HAO2: variants seen among roughly 807,000 people sequenced by gnomAD.
HAO2 encodes the protein 2-Hydroxyacid oxidase 2.
Under a neutral mutation model 37.4 loss-of-function variants are expected in HAO2, and 42 were observed. The observed-to-expected ratio is 1.12, with a 90% CI of 0.88 to 1.45. The LOEUF (loss-of-function observed/expected upper bound fraction) is 1.45, where lower values mean the gene tolerates loss of function less well. Among genes scored for constraint, HAO2 ranks in the 40% most tolerant of loss-of-function variants. The pLI is 0.00. For missense variants in HAO2, 476 were observed against 430.2 expected (o/e 1.11, Z -0.94); for synonymous variants, 180 against 162.8 (o/e 1.11, Z -0.81).
intron 5 of HAO2, among the ~76,000 whole-genome samples, chr1:119,389,038 T>C (rs1226011602): frequency 6.8e-6 from 1 of 146,956 alleles, no homozygotes; most frequent in East Asian, 2.0e-4. Flanking sequence ...TGGTTTTCCA[T>C]TCCTGAATTA....
chr1:119,393,955 CCA>C lies in HAO2; in HGVS notation c.*116_*117del. 6.4e-7 allele frequency: 1 copy of C among 1,562,438 alleles called. No homozygotes were observed. The highest frequency in any genetic ancestry group is 8.7e-7 in the Non-Finnish European group (1 of 1,146,718). On this transcript the variant is annotated 3_prime_UTR_variant, in exon 8 of 8. Transcript: ENST00000325945. ...CCCATTCTGTCCGGAGGCTCATGGC[CCA>C]TATTTCCCACATTTCTAATACCACC...
chr1:119,385,026 A>G lies in HAO2; in HGVS notation c.534A>G (p.Thr178=), dbSNP rs377706696. 2.9e-5 allele frequency: 46 copies of G among 1,612,780 alleles called. No individual in the cohort carries two copies. The highest frequency in any genetic ancestry group is 3.7e-5 in the Non-Finnish European group (44 of 1,179,044). Residue 178 remains threonine, a synonymous_variant, in exon 4 of 8, where the codon ACA becomes ACG. Coordinates refer to ENST00000325945, the MANE Select transcript of HAO2 (RefSeq NM_016527.4). ...GAAACCAGTTGAGGAGGAACTTAAC[A>G]CTAACAGATCTTCAATCACCTAAAA... ...DIRNQLRRNL[T]LTDLQSPKKG...
chr1:119,380,849 T>A (rs1457143640), intron 1 of HAO2: 11 of 732,686 alleles, frequency 1.5e-5, no homozygotes, highest in Non-Finnish European at 2.1e-5. Flanking sequence ...GGCCAAATAA[T>A]CAGGATTTGG....
At chr1:119,377,724 T>A (rs1436817631) in intron 1 of HAO2, among the ~76,000 whole-genome samples, 1 of 152,232 alleles carries the variant, frequency 6.6e-6, no homozygotes, top group Non-Finnish European at 1.5e-5. Context: ...AAGGCATGTT[T>A]TAAATGGCAG....
intron 4 of HAO2, chr1:119,385,572 G>A (rs1183797377): frequency 1.0e-6 from 1 of 979,976 alleles, no homozygotes; most frequent in South Asian, 4.7e-5. Flanking sequence ...GAGCTCATTT[G>A]TGGAGCACCA....
intron 1 of HAO2, among the ~76,000 whole-genome samples, chr1:119,379,929 C>T (rs956977241): frequency 1.3e-5 from 2 of 152,172 alleles, no homozygotes; most frequent in Non-Finnish European, 2.9e-5. Context: ...CTCATCTGGC[C>T]TCTGTGTCCC....
chr1:119,370,999 T>C (rs1648949128), intron 1 of HAO2, among the ~76,000 whole-genome samples: 1 of 152,182 alleles, frequency 6.6e-6, no homozygotes, highest in Non-Finnish European at 1.5e-5. Context: ...GTTTTGCACA[T>C]TCTATCCTTG....
rs59891150 is a variant in HAO2, at chr1:119,389,137, C to CATATATAT, written c.771+2330_771+2337dup. On this transcript the variant is annotated intron_variant, in intron 5 of 7. Coordinates refer to ENST00000325945, the MANE Select transcript of HAO2 (RefSeq NM_016527.4). ...TTCTTATGGCTGAGTAGTATTTCAT[C>CATATATAT]ATATATATATATATATATATATATA... Among the ~76,000 whole-genome samples the CATATATAT allele has an allele frequency of 2.4e-3, 8 of 3,284 alleles. 1 individual carries two copies. The highest frequency in any genetic ancestry group is 4.3e-3 in the African/African-American group (3 of 692). 2.2% of individuals were successfully genotyped at this position (3,284 alleles called of 152,430 possible).
intron 5 of HAO2, among the ~76,000 whole-genome samples, chr1:119,390,379 G>A (rs1235762101): frequency 6.6e-6 from 1 of 152,094 alleles, no homozygotes; most frequent in Admixed American, 6.6e-5. Context: ...AGCCTCCCAA[G>A]TAGCTGGGAT....
chr1:119,388,152 G>T (rs587713628), intron 5 of HAO2, among the ~76,000 whole-genome samples: 51 of 152,268 alleles, frequency 3.3e-4, no homozygotes, highest in Admixed American at 2.7e-3. Context: ...CCCAACCCCT[G>T]CCAGGATGCC....
At chr1:119,387,757 C>A (rs944437074) in intron 5 of HAO2, among the ~76,000 whole-genome samples, 2 of 152,104 alleles carry the variant, frequency 1.3e-5, no homozygotes, top group Non-Finnish European at 2.9e-5. Flanking sequence ...AACTATATAA[C>A]CAACCTCCAT....
chr1:119,386,807 G>T lies in HAO2; in HGVS notation c.747G>T (p.Arg249Ser), dbSNP rs1650421070. The T allele has an allele frequency of 6.2e-7, 1 of 1,611,160 alleles. No individual in the cohort carries two copies. Among genetic ancestry groups the T allele is most frequent in the South Asian group, 1.1e-5 (1 of 91,026 alleles). ...TCATTGTTTCCAACCATGGTGGGAGGCAGCTTGATGAGGTTCTTGCTTCAG... is the reference window on the plus strand; with the variant it reads ...TCATTGTTTCCAACCATGGTGGGAGTCAGCTTGATGAGGTTCTTGCTTCAG... ...QGIIVSNHGG[R>S]QLDEVLASID... Residue 249 changes from arginine to serine, a missense_variant, in exon 5 of 8, where the codon AGG becomes AGT. Transcript: ENST00000325945.
chr1:119,380,347 A>G (rs988513577), intron 1 of HAO2, among the ~76,000 whole-genome samples: 2 of 152,218 alleles, frequency 1.3e-5, no homozygotes, highest in African/African-American at 4.8e-5. Context: ...TGGAGCCAAC[A>G]TACATTGTTT....
intron 1 of HAO2, among the ~76,000 whole-genome samples, chr1:119,373,505 G>A (rs1649199009): frequency 6.6e-6 from 1 of 152,158 alleles, no homozygotes; most frequent in Non-Finnish European, 1.5e-5. Flanking sequence ...CATCAAGCAA[G>A]TTATTCTCAT....
intron 1 of HAO2, among the ~76,000 whole-genome samples, chr1:119,377,671 T>G (rs976467577): frequency 6.6e-6 from 1 of 152,150 alleles, no homozygotes; most frequent in African/African-American, 2.4e-5. Flanking sequence ...TTCCACATGG[T>G]TGGGGAGGCC....
At position 119,381,128 on chromosome 1, in the gene HAO2, G is replaced by A. The variant is rs34638261; in HGVS notation, c.43G>A (p.Glu15Lys). ...GACAGACTTTCAGGCCCATGCGCGA[G>A]AGCAGCTGTCTAAGTCAACTCGGGA... ...CLTDFQAHAREQLSKSTRDFI... is the reference protein window; with the variant it reads ...CLTDFQAHARKQLSKSTRDFI... Residue 15 changes from glutamate to lysine, a missense_variant, in exon 2 of 8, where the codon GAG (glutamate) becomes AAG (lysine). Physicochemically the swap from Glu to Lys is moderately conservative, Grantham distance 56. Coordinates refer to ENST00000325945, the MANE Select transcript of HAO2 (RefSeq NM_016527.4). The A allele has an allele frequency of 6.9e-3, 11,162 of 1,611,222 alleles. 609 individuals are homozygous for A. In the African/African-American group the frequency reaches 0.12, roughly 18 times the overall value.
chr1:119,394,047 CACTG>C lies in HAO2; in HGVS notation c.*211_*214del. 7.2e-7 allele frequency: 1 copy of C among 1,382,724 alleles called. No homozygotes were observed. Among genetic ancestry groups the C allele is most frequent in the Non-Finnish European group, 9.4e-7 (1 of 1,062,682 alleles). The allele number at this position is 1,382,724 out of a possible 1,614,324, so 85.7% of individuals were successfully genotyped here. A position where few individuals can be genotyped will look rare whatever the true frequency, so the allele number is the denominator to read the frequency against. ...AAATGTTCCATGCCCTTCTTTGTAT[CACTG>C]ACTATTATATGTTGCTCTCTTGCCT... On this transcript the variant is annotated 3_prime_UTR_variant, in exon 8 of 8. Coordinates refer to ENST00000325945, the MANE Select transcript of HAO2 (RefSeq NM_016527.4).
At chr1:119,385,712 C>CCA (rs1387296540) in intron 4 of HAO2, 358 of 985,204 alleles carry the variant, frequency 3.6e-4, no homozygotes, top group Non-Finnish European at 4.2e-4. Context: ...AGTGGGAATC[C>CCA]CTGGCTATAG....
Position 119,368,804 on chromosome 1 carries a change from G to C in HAO2, c.-107G>C, listed in dbSNP as rs1268374644. ...TTCTTTAGCCTGAACTGTGGGTAGT[G>C]ATGTGGTGTGTTTCCTAACACCTCC... is the stretch of plus-strand genomic sequence containing the variant. On this transcript the variant is annotated 5_prime_UTR_variant, in exon 1 of 8. Coordinates refer to ENST00000325945, the MANE Select transcript of HAO2 (RefSeq NM_016527.4). 6.6e-6 allele frequency: 1 copy of C among 152,208 alleles called. No homozygotes were observed. Among genetic ancestry groups the C allele is most frequent in the Admixed American group, 6.5e-5 (1 of 15,284 alleles). 9.4% of individuals were successfully genotyped at this position (152,208 alleles called of 1,614,324 possible).
Sources: allele counts gnomAD v4.1 joint callset (sites outside exome capture counted in the v4.1 genomes callset), GRCh38; gene constraint gnomAD v4.1.1; transcripts MANE v1.5; gene names NCBI Gene and HGNC (gene_info 2026-07-23, HGNC 2026-07-21).